The following LPP variants were observed in gnomAD, a reference collection of about 807,000 sequenced individuals.
The protein encoded by LPP is LIM domain containing preferred translocation partner in lipoma.
Under a neutral mutation model 60.4 loss-of-function variants are expected in LPP, and 38 were observed. The observed-to-expected ratio is 0.63, with a 90% CI of 0.49 to 0.83. The LOEUF (loss-of-function observed/expected upper bound fraction) is 0.83. Among genes scored for constraint, LPP ranks in the 40% least tolerant of loss-of-function variants. LPP has a pLI of 0.00. For synonymous variants in LPP, 328 were observed against 290.8 expected, an observed-to-expected ratio of 1.13 and a Z score of -1.30; for missense variants, 902 against 783.6, an observed-to-expected ratio of 1.15 and a Z score of -1.80.
intron 3 of LPP, among the ~76,000 whole-genome samples, chr3:188,393,228 G>C (rs1017875594): frequency 6.6e-6 from 1 of 152,042 alleles, no homozygotes; most frequent in African/African-American, 2.4e-5. Context: ...AGGAGAAAGA[G>C]GCTGAGTGAA....
chr3:188,412,265 C>T (rs1000766491), intron 4 of LPP, among the ~76,000 whole-genome samples: 1 of 152,030 alleles, frequency 6.6e-6, no homozygotes, highest in Non-Finnish European at 1.5e-5. Context: ...TCTGAGTATA[C>T]AAGAGGAGAC....
intron 2 of LPP, among the ~76,000 whole-genome samples, chr3:188,243,646 A>G (rs1725797969): frequency 6.6e-6 from 1 of 152,152 alleles, no homozygotes; most frequent in Admixed American, 6.5e-5. Flanking sequence ...CTTGCAGGCT[A>G]TGAGAATGAG....
At chr3:188,736,789 A>C (rs936891716) in intron 8 of LPP, among the ~76,000 whole-genome samples, 9 of 151,952 alleles carry the variant, frequency 5.9e-5, no homozygotes, top group African/African-American at 2.2e-4. Context: ...TATCTATATT[A>C]TCCTAAAGAA....
At chr3:188,525,588 G>T (rs1424099031) in intron 6 of LPP, among the ~76,000 whole-genome samples, 1 of 152,180 alleles carries the variant, frequency 6.6e-6, no homozygotes, top group Non-Finnish European at 1.5e-5. Context: ...GGATATTAAG[G>T]TGATTTTCAT....
chr3:188,582,599 G>C (rs1226060362), intron 6 of LPP, among the ~76,000 whole-genome samples: 1 of 152,044 alleles, frequency 6.6e-6, no homozygotes, highest in Non-Finnish European at 1.5e-5. Context: ...TCAACTATCA[G>C]CTCTACAATA....
intron 7 of LPP, among the ~76,000 whole-genome samples, chr3:188,703,683 A>G (rs898841910): frequency 2.0e-5 from 3 of 152,232 alleles, no homozygotes; most frequent in African/African-American, 4.8e-5. Context: ...AAAGAGTAGA[A>G]TCTAACAGAA....
intron 3 of LPP, among the ~76,000 whole-genome samples, chr3:188,343,119 C>A (rs1763486149): frequency 6.6e-6 from 1 of 152,086 alleles, no homozygotes; most frequent in African/African-American, 2.4e-5. Flanking sequence ...ATCCACCCAT[C>A]ATCCAGGTTT....
intron 9 of LPP, among the ~76,000 whole-genome samples, chr3:188,836,234 T>C (rs1040088402): frequency 1.3e-5 from 2 of 152,234 alleles, no homozygotes; most frequent in Non-Finnish European, 2.9e-5. Context: ...ATCTTGAGCC[T>C]TAAACTCTTT....
intron 3 of LPP, among the ~76,000 whole-genome samples, chr3:188,342,474 A>G (rs538173588): frequency 9.8e-5 from 15 of 152,340 alleles, no homozygotes; most frequent in Admixed American, 3.9e-4. Flanking sequence ...AACCTGCTGA[A>G]TCTGTACCTT....
chr3:188,732,225 T>C (rs1720872879), intron 8 of LPP, among the ~76,000 whole-genome samples: 1 of 152,064 alleles, frequency 6.6e-6, no homozygotes, highest in Non-Finnish European at 1.5e-5. Context: ...CAATTATGGT[T>C]CCCCCATGGA....
intron 9 of LPP, among the ~76,000 whole-genome samples, chr3:188,846,541 G>A (rs993246419): frequency 1.1e-4 from 17 of 151,950 alleles, no homozygotes; most frequent in East Asian, 5.8e-4. Flanking sequence ...AAAATTAGGC[G>A]GGCATGGTGG....
In LPP at chr3:188,785,457, ATATATATATATTC is replaced by A. The variant is rs1455652189; in HGVS notation, c.1410+25176_1410+25188del. 2.7e-3 allele frequency among the ~76,000 whole-genome samples: 108 copies of A among 39,950 alleles called. 24 individuals carry two copies. Among genetic ancestry groups the A allele is most frequent in the African/African-American group, 0.012 (97 of 7,866 alleles). The allele number at this position is 39,950 out of a possible 152,430, so 26.2% of individuals were successfully genotyped here. A position where few individuals can be genotyped will look rare whatever the true frequency, so the allele number is the denominator to read the frequency against. On this transcript the variant is annotated intron_variant, in intron 9 of 11. Coordinates refer to ENST00000617246, the MANE Select transcript of LPP (RefSeq NM_001375462.1). ...TTCCATCATATATATATATTCCATC[ATATATATATATTC>A]CATCATATATATATATTCATCATAT...
At position 188,351,491 on chromosome 3, in the gene LPP, A is replaced by T. The variant is rs147448481; in HGVS notation, c.-10+9772A>T. 1.9e-4 allele frequency among the ~76,000 whole-genome samples: 29 copies of T among 152,236 alleles called. No individual in the cohort carries two copies. The East Asian group carries it at 5.6e-3, about 29-fold the overall frequency. On this transcript the variant is annotated intron_variant, in intron 3 of 11. Coordinates refer to ENST00000617246, the MANE Select transcript of LPP (RefSeq NM_001375462.1). ...CCTTGTTTCTATGAAGACCACTAAG[A>T]ATAAAGGTAATACAGGTGCTGCTGC...
At chr3:188,418,618 C>T (rs570284792) in intron 4 of LPP, among the ~76,000 whole-genome samples, 15 of 152,092 alleles carry the variant, frequency 9.9e-5, no homozygotes, top group African/African-American at 3.4e-4. Context: ...ATTATTTTCC[C>T]GAATTATTAC....
intron 2 of LPP, among the ~76,000 whole-genome samples, chr3:188,248,184 A>G (rs1727692274): frequency 6.6e-6 from 1 of 152,114 alleles, no homozygotes; most frequent in Admixed American, 6.5e-5. Flanking sequence ...AAATTCACCC[A>G]AACAACGTGA....
chr3:188,637,724 A>T lies in LPP; in HGVS notation c.1113+27880A>T, dbSNP rs1297768928. 3.9e-5 allele frequency among the ~76,000 whole-genome samples: 6 copies of T among 152,150 alleles called. No homozygotes were observed. In the East Asian group the frequency reaches 9.6e-4, roughly 24 times the overall value. Reference sequence around the variant, plus strand: ...AGAAATACAAACTACCATCAGAGAAACCTACAAACACCTCTACGCAAATAA... The same window carrying T: ...AGAAATACAAACTACCATCAGAGAATCCTACAAACACCTCTACGCAAATAA... On this transcript the variant is annotated intron_variant, in intron 7 of 11. Transcript: ENST00000617246.
chr3:188,353,961 CTTT>C (rs59069190), intron 3 of LPP, among the ~76,000 whole-genome samples: 1 of 145,582 alleles, frequency 6.9e-6, no homozygotes, highest in African/African-American at 2.5e-5. Flanking sequence ...AACTAGACCA[CTTT>C]TTTTTTTTTG....
chr3:188,860,706 A>C (rs570346858), intron 9 of LPP, among the ~76,000 whole-genome samples: 1 of 152,290 alleles, frequency 6.6e-6, no homozygotes, highest in African/African-American at 2.4e-5. Flanking sequence ...ACTAACTGAT[A>C]TTTGTGGAGC....
chr3:188,245,312 C>A (rs1726521672), intron 2 of LPP, among the ~76,000 whole-genome samples: 1 of 152,146 alleles, frequency 6.6e-6, no homozygotes, highest in Non-Finnish European at 1.5e-5. Flanking sequence ...AGGGTTTCAT[C>A]ATGTTGGTCA....
Sources: gnomAD v4.1 joint callset for allele counts (sites outside exome capture counted in the v4.1 genomes callset) on GRCh38, gnomAD v4.1.1 for gene constraint, MANE v1.5 for transcripts, NCBI Gene and HGNC (gene_info 2026-07-23, HGNC 2026-07-21) for gene names.